The following EXOC4 variants were observed in gnomAD, a reference collection of about 807,000 sequenced individuals.
The protein encoded by EXOC4 is exocyst complex component 4, also known as SEC8-like 1.
Under a neutral mutation model 107.2 loss-of-function variants are expected in EXOC4, and 71 were observed. The ratio of observed to expected loss-of-function variants is 0.66; its 90% CI spans 0.55 to 0.81. The LOEUF (loss-of-function observed/expected upper bound fraction) is 0.81. EXOC4 is among the 30% of genes least tolerant of loss of function. The probability of loss-of-function intolerance (pLI) is 0.00; values close to 1 mark genes in which losing one functional copy is unlikely to be tolerated. For missense variants in EXOC4, 1,108 were observed against 1,189.6 expected, an observed-to-expected ratio of 0.93 and a Z score of 1.01; for synonymous variants, 456 against 441.2, an observed-to-expected ratio of 1.03 and a Z score of -0.42.
intron 9 of EXOC4, among the ~76,000 whole-genome samples, chr7:133,560,277 T>G (rs971504169): frequency 6.6e-6 from 1 of 152,118 alleles, no homozygotes; most frequent in Non-Finnish European, 1.5e-5. Flanking sequence ...TTTGAGATTT[T>G]ATTTTATTTT....
At chr7:133,925,522 A>G (rs572713696) in intron 13 of EXOC4, among the ~76,000 whole-genome samples, 1 of 152,224 alleles carries the variant, frequency 6.6e-6, no homozygotes, top group South Asian at 2.1e-4. Context: ...TGGGGAAGCA[A>G]AGAGGACAGG....
chr7:133,623,151 A>G (rs2151008095), intron 9 of EXOC4, among the ~76,000 whole-genome samples: 1 of 152,242 alleles, frequency 6.6e-6, no homozygotes, highest in East Asian at 1.9e-4. Context: ...TTTTTTCTAC[A>G]TATCCAGGAT....
intron 17 of EXOC4, among the ~76,000 whole-genome samples, chr7:134,058,140 C>T (rs1479551781): frequency 6.6e-6 from 1 of 152,098 alleles, no homozygotes; most frequent in Non-Finnish European, 1.5e-5. Context: ...ACTTAGTGAC[C>T]CATCTACCAT....
intron 9 of EXOC4, among the ~76,000 whole-genome samples, chr7:133,494,486 G>A (rs6975094): frequency 1 from 151,829 of 152,402 alleles, 75,635 homozygotes; most frequent in Middle Eastern, 1. Flanking sequence ...TGAATCATTC[G>A]CTCATTTATG....
chr7:133,852,081 A>G lies in EXOC4; in HGVS notation c.1734+34537A>G, dbSNP rs1184392030. 2.0e-5 allele frequency among the ~76,000 whole-genome samples: 3 copies of G among 152,304 alleles called. No homozygotes were observed. The South Asian group carries it at 6.2e-4, about 32-fold the overall frequency. On this transcript the variant is annotated intron_variant, in intron 11 of 17. Transcript: ENST00000253861. ...AAAACATTTGTTGCTCTTAAATTTTATAATTTTGTTCTCAAGCCTTATTAG... is the reference window on the plus strand; with the variant it reads ...AAAACATTTGTTGCTCTTAAATTTTGTAATTTTGTTCTCAAGCCTTATTAG...
chr7:133,912,021 CAT>C (rs1441294509), intron 12 of EXOC4, among the ~76,000 whole-genome samples: 10 of 152,258 alleles, frequency 6.6e-5, no homozygotes, highest in African/African-American at 9.6e-5. Flanking sequence ...ATAATTTCCA[CAT>C]GTCACAAAAT....
chr7:134,055,243 G>A (rs1422039351), intron 17 of EXOC4, among the ~76,000 whole-genome samples: 1 of 152,154 alleles, frequency 6.6e-6, no homozygotes, highest in Non-Finnish European at 1.5e-5. Flanking sequence ...GGACCAGAAG[G>A]TCAGGAATCA....
chr7:133,806,109 T>A (rs371043536), intron 10 of EXOC4, among the ~76,000 whole-genome samples: 1 of 152,238 alleles, frequency 6.6e-6, no homozygotes, highest in Non-Finnish European at 1.5e-5. Flanking sequence ...AACACTAACA[T>A]AGTGCCTACC....
chr7:133,286,322 A>G (rs1209468834), intron 2 of EXOC4, among the ~76,000 whole-genome samples: 1 of 152,182 alleles, frequency 6.6e-6, no homozygotes, highest in Non-Finnish European at 1.5e-5. Flanking sequence ...AAATGTTTAT[A>G]TCGTCCTGTC....
At chr7:134,076,705 G>GTGTA in the EXOC4 span, among the ~76,000 whole-genome samples, 2 of 147,108 alleles carry the variant, frequency 1.4e-5, no homozygotes, top group African/African-American at 5.0e-5. Flanking sequence ...ATCTATAATT[G>GTGTA]TATATATATA....
intron 7 of EXOC4, among the ~76,000 whole-genome samples, chr7:133,446,015 T>A (rs1290857349): frequency 7.0e-6 from 1 of 141,914 alleles, no homozygotes; most frequent in Non-Finnish European, 1.5e-5. Flanking sequence ...AACCCTGTCT[T>A]AAAAAAAAAA....
intron 10 of EXOC4, chr7:133,733,537 AC>A (rs1478229971): frequency 6.6e-6 from 1 of 152,100 alleles, no homozygotes; most frequent in African/African-American, 2.4e-5. Flanking sequence ...TGGATCAACA[AC>A]TTTCTTGGCT....
At chr7:133,470,100 G>A (rs914868879) in intron 7 of EXOC4, among the ~76,000 whole-genome samples, 3 of 152,166 alleles carry the variant, frequency 2.0e-5, no homozygotes, top group Non-Finnish European at 4.4e-5. Context: ...TTTGTAAGCT[G>A]AAAAGTTGCC....
chr7:133,666,883 C>CT (rs954599816), intron 10 of EXOC4, among the ~76,000 whole-genome samples: 2 of 152,074 alleles, frequency 1.3e-5, no homozygotes, highest in Admixed American at 6.5e-5. Flanking sequence ...CTCTCTGTCT[C>CT]TTTTTTTAAA....
intron 9 of EXOC4, among the ~76,000 whole-genome samples, chr7:133,536,121 C>T (rs1484179329): frequency 6.6e-6 from 1 of 152,168 alleles, no homozygotes; most frequent in Non-Finnish European, 1.5e-5. Flanking sequence ...TATTGAGTTA[C>T]TCAAATACTC....
intron 10 of EXOC4, among the ~76,000 whole-genome samples, chr7:133,755,259 A>G: frequency 1.0e-5 from 1 of 95,656 alleles, no homozygotes; most frequent in Non-Finnish European, 2.0e-5. Flanking sequence ...TATATTATAT[A>G]TATATTATAT....
chr7:133,752,995 ATTTGTCTTCC>A (rs756097893), intron 10 of EXOC4, among the ~76,000 whole-genome samples: 3 of 152,148 alleles, frequency 2.0e-5, no homozygotes, highest in Non-Finnish European at 4.4e-5. Flanking sequence ...AAGCTGGTTC[ATTTGTCTTCC>A]TTTCTCTGTT....
intron 10 of EXOC4, among the ~76,000 whole-genome samples, chr7:133,678,439 C>T (rs1439468023): frequency 6.6e-6 from 1 of 152,172 alleles, no homozygotes; most frequent in Non-Finnish European, 1.5e-5. Context: ...CAACTGTTTC[C>T]CTCATGCTGA....
chr7:133,382,787 G>C (rs182137244), intron 7 of EXOC4, among the ~76,000 whole-genome samples: 2 of 152,322 alleles, frequency 1.3e-5, no homozygotes, highest in East Asian at 3.9e-4. Flanking sequence ...TCTTGGAAGA[G>C]AGAATACTTT....
Sources: allele counts gnomAD v4.1 joint callset (sites outside exome capture counted in the v4.1 genomes callset), GRCh38; gene constraint gnomAD v4.1.1; transcripts MANE v1.5; gene names NCBI Gene and HGNC (gene_info 2026-07-23, HGNC 2026-07-21).